The following OSBPL11 variants were observed in gnomAD, a reference collection of about 807,000 sequenced individuals.
OSBPL11 encodes the protein oxysterol-binding protein-related protein 11.
In OSBPL11, 33 loss-of-function variants were observed where a neutral mutation model predicts 84.4. That is an observed-to-expected ratio of 0.39 (90% CI 0.30 to 0.52). The LOEUF (loss-of-function observed/expected upper bound fraction) is 0.52, where lower values mean the gene tolerates loss of function less well. Among genes scored for constraint, OSBPL11 ranks in the 20% least tolerant of loss-of-function variants. The probability of loss-of-function intolerance (pLI) is 0.72; values close to 1 mark genes in which losing one functional copy is unlikely to be tolerated. For missense variants in OSBPL11, 736 were observed against 901.1 expected, an observed-to-expected ratio of 0.82 and a Z score of 2.35; for synonymous variants, 276 against 310.2, an observed-to-expected ratio of 0.89 and a Z score of 1.16.
At chr3:125,583,205 ATAT>A (rs770454842) in intron 1 of OSBPL11, among the ~76,000 whole-genome samples, 4 of 152,146 alleles carry the variant, frequency 2.6e-5, no homozygotes, top group Admixed American at 2.0e-4. Context: ...CATAAATTAT[ATAT>A]TATTATAAAT....
intron 5 of OSBPL11, among the ~76,000 whole-genome samples, chr3:125,569,648 T>G (rs557263897): frequency 4.6e-5 from 7 of 152,224 alleles, no homozygotes; most frequent in Non-Finnish European, 8.8e-5. Context: ...AACCAAGAGA[T>G]ATATACATGC....
At chr3:125,578,593 G>A (rs1177081604) in intron 4 of OSBPL11, among the ~76,000 whole-genome samples, 1 of 152,090 alleles carries the variant, frequency 6.6e-6, no homozygotes, top group Non-Finnish European at 1.5e-5. Flanking sequence ...TTTTAGTAAA[G>A]AAACCTGTCT....
In OSBPL11 at chr3:125,547,308, C is replaced by A; in HGVS notation, c.1841+98G>T. The stretch of plus-strand genomic sequence containing the variant: ...ATAAGAAATAAACATTAATACAAAT[C>A]CAACTTCACATAGAACAGAGCAGAA... On this transcript the variant is annotated intron_variant, in intron 10 of 12. Transcript: ENST00000296220. 4.0e-6 allele frequency: 4 copies of A among 991,970 alleles called. No homozygotes were observed. The South Asian group carries it at 5.8e-5, about 14-fold the overall frequency. The allele number at this position is 991,970 out of a possible 1,614,324, so 61.4% of individuals were successfully genotyped here. A position where few individuals can be genotyped will look rare whatever the true frequency, so the allele number is the denominator to read the frequency against.
intron 5 of OSBPL11, among the ~76,000 whole-genome samples, chr3:125,571,590 C>T (rs961126771): frequency 2.4e-4 from 36 of 151,966 alleles, no homozygotes; most frequent in African/African-American, 8.7e-4. Context: ...GACTTGGTGC[C>T]CTGTGTCCCA....
intron 8 of OSBPL11, 60 bp from the exon 9 acceptor site, chr3:125,552,739 A>G (rs1668676338): frequency 1.3e-6 from 2 of 1,511,464 alleles, no homozygotes; most frequent in Non-Finnish European, 1.8e-6. Flanking sequence ...ATCTGTAGAC[A>G]ACTATTCTCT....
chr3:125,565,355 T>G (rs575042332), intron 6 of OSBPL11, among the ~76,000 whole-genome samples: 71 of 152,294 alleles, frequency 4.7e-4, no homozygotes, highest in Non-Finnish European at 8.7e-4. Flanking sequence ...ACACTAGAAT[T>G]AACCCAAATT....
At chr3:125,586,751 G>A (rs1420810497) in intron 1 of OSBPL11, among the ~76,000 whole-genome samples, 1 of 152,072 alleles carries the variant, frequency 6.6e-6, no homozygotes, top group Non-Finnish European at 1.5e-5. Flanking sequence ...TCCTGACCTC[G>A]TGATCCGCCT....
chr3:125,593,027 T>C (rs999474693), intron 1 of OSBPL11, among the ~76,000 whole-genome samples: 4 of 152,166 alleles, frequency 2.6e-5, no homozygotes, highest in African/African-American at 7.2e-5. Context: ...TTAAAAACCA[T>C]TGTGCTGCAA....
chr3:125,540,265 G>A (rs1935709289), intron 10 of OSBPL11, among the ~76,000 whole-genome samples: 1 of 144,988 alleles, frequency 6.9e-6, no homozygotes, highest in African/African-American at 2.6e-5. Context: ...GGAGGCAGAG[G>A]TTGCAGTGAG....
intron 6 of OSBPL11, among the ~76,000 whole-genome samples, chr3:125,565,263 T>C (rs13080535): frequency 0.068 from 10,314 of 152,024 alleles, 470 homozygotes; most frequent in Non-Finnish European, 0.098. Flanking sequence ...ATATATAATA[T>C]ATTGTCTTAA....
chr3:125,585,153 C>CA (rs1489324657), intron 1 of OSBPL11, among the ~76,000 whole-genome samples: 1 of 152,088 alleles, frequency 6.6e-6, no homozygotes, highest in African/African-American at 2.4e-5. Flanking sequence ...TTAATTGCGA[C>CA]AGAGTCTCGC....
At chr3:125,551,586 T>C (rs943938002) in intron 9 of OSBPL11, among the ~76,000 whole-genome samples, 1 of 152,022 alleles carries the variant, frequency 6.6e-6, no homozygotes, top group African/African-American at 2.4e-5. Flanking sequence ...CTAACCAACA[T>C]GGTGAAACCC....
intron 5 of OSBPL11, among the ~76,000 whole-genome samples, chr3:125,567,875 T>A (rs1169738458): frequency 6.6e-6 from 1 of 151,500 alleles, no homozygotes; most frequent in East Asian, 1.9e-4. Context: ...ATGCCTGTAG[T>A]CCCAGCTACT....
At chr3:125,579,766 G>T in intron 3 of OSBPL11, 99 bp downstream of exon 3, 1 of 1,005,222 alleles carries the variant, frequency 9.9e-7, no homozygotes, top group Non-Finnish European at 1.5e-6. Flanking sequence ...ACTGATGACA[G>T]CAGTTTCTAT....
At chr3:125,533,731 C>T (rs1935596496) in intron 11 of OSBPL11, among the ~76,000 whole-genome samples, 1 of 152,104 alleles carries the variant, frequency 6.6e-6, no homozygotes, top group Non-Finnish European at 1.5e-5. Context: ...AATATAAATG[C>T]CTGCCCTAAT....
At chr3:125,572,453 T>C (rs1006876939) in intron 5 of OSBPL11, among the ~76,000 whole-genome samples, 2 of 152,138 alleles carry the variant, frequency 1.3e-5, no homozygotes, top group Admixed American at 1.3e-4. Flanking sequence ...CAGAATGATA[T>C]GGTTTGGCTG....
At chr3:125,547,899 C>T (rs997443703) in intron 9 of OSBPL11, among the ~76,000 whole-genome samples, 23 of 151,666 alleles carry the variant, frequency 1.5e-4, no homozygotes, top group Non-Finnish European at 2.7e-4. Context: ...TTTTTTGAGA[C>T]GGAGTTTTGT....
At chr3:125,571,450 T>C (rs537858127) in intron 5 of OSBPL11, among the ~76,000 whole-genome samples, 4 of 152,082 alleles carry the variant, frequency 2.6e-5, no homozygotes, top group South Asian at 4.2e-4. Flanking sequence ...CCCAAGACAA[T>C]GGGGAAAATG....
intron 11 of OSBPL11, among the ~76,000 whole-genome samples, chr3:125,535,439 C>CTTTTTTTTTTTTTTT (rs763678488): frequency 2.4e-5 from 2 of 84,282 alleles, no homozygotes; most frequent in Non-Finnish European, 4.5e-5. Flanking sequence ...TCAGAAGCAT[C>CTTTTTTTTTTTTTTT]TTTTTTTTTT....
Sources: allele counts gnomAD v4.1 joint callset (sites outside exome capture counted in the v4.1 genomes callset), GRCh38; gene constraint gnomAD v4.1.1; transcripts MANE v1.5; gene names NCBI Gene and HGNC (gene_info 2026-07-23, HGNC 2026-07-21).